PCYT1B: variants seen among roughly 807,000 people sequenced by gnomAD.
The protein encoded by PCYT1B is choline-phosphate cytidylyltransferase B.
PCYT1B carries 10 observed loss-of-function variants against 26.4 expected under a neutral mutation model. The observed-to-expected ratio is 0.38, with a 90% CI of 0.23 to 0.64. PCYT1B has a LOEUF of 0.64. Among genes scored for constraint, PCYT1B ranks in the 30% least tolerant of loss-of-function variants. The pLI is 0.56. For synonymous variants in PCYT1B, 131 were observed against 108.4 expected (o/e 1.21, Z -1.29); for missense variants, 161 against 292.7 (o/e 0.55, Z 3.28).
intron 1 of PCYT1B, among the ~76,000 whole-genome samples, chrX:24,627,769 C>T (rs1406438361): frequency 1.8e-5 from 2 of 111,486 alleles, no homozygotes; most frequent in African/African-American, 3.3e-5. Context: ...TCAGGGTGAT[C>T]GCAGCGGAGG....
intron 1 of PCYT1B, among the ~76,000 whole-genome samples, chrX:24,660,377 T>C (rs1487827967): frequency 8.9e-6 from 1 of 112,295 alleles, no homozygotes; most frequent in Non-Finnish European, 1.9e-5. Context: ...TGAGAGGCCA[T>C]GTCAAATGAC....
At chrX:24,590,638 G>A (rs1173976336) in intron 3 of PCYT1B, among the ~76,000 whole-genome samples, 3 of 110,824 alleles carry the variant, frequency 2.7e-5, no homozygotes, top group Non-Finnish European at 5.7e-5. Context: ...TGTAACCCAA[G>A]TGTGAGACAG....
At chrX:24,634,467 G>T (rs1293479710) in intron 1 of PCYT1B, among the ~76,000 whole-genome samples, 3 of 112,046 alleles carry the variant, frequency 2.7e-5, no homozygotes, top group Non-Finnish European at 5.6e-5. Flanking sequence ...TTTCCTGCAG[G>T]CCGTGCGCGG....
At chrX:24,624,355 C>T (rs1925822220) in intron 1 of PCYT1B, among the ~76,000 whole-genome samples, 1 of 112,131 alleles carries the variant, frequency 8.9e-6, no homozygotes, top group South Asian at 3.7e-4. Context: ...ATATCCCTTT[C>T]CTATTTTTAC....
At chrX:24,606,464 A>G (rs1206319939) in intron 3 of PCYT1B, among the ~76,000 whole-genome samples, 1 of 112,259 alleles carries the variant, frequency 8.9e-6, no homozygotes, top group East Asian at 2.8e-4. Flanking sequence ...TTGCCCAGTA[A>G]CCATTGCCTT....
intron 6 of PCYT1B, 46 bp downstream of exon 6, chrX:24,579,270 T>C: frequency 8.6e-7 from 1 of 1,160,988 alleles, no homozygotes; most frequent in Non-Finnish European, 1.2e-6. Context: ...CTGGTGGTGG[T>C]GGTGTGGCAT....
chrX:24,662,272 T>C (rs1927043985), intron 1 of PCYT1B, among the ~76,000 whole-genome samples: 2 of 112,511 alleles, frequency 1.8e-5, no homozygotes, highest in Non-Finnish European at 3.8e-5. Flanking sequence ...TGTTTGGATG[T>C]GGGGAGTGGA....
chrX:24,604,641 G>A (rs1385080356), intron 3 of PCYT1B, among the ~76,000 whole-genome samples: 1 of 110,695 alleles, frequency 9.0e-6, no homozygotes, highest in African/African-American at 3.3e-5. Context: ...CTATACCCTT[G>A]AACTCCTGGG....
intron 1 of PCYT1B, among the ~76,000 whole-genome samples, chrX:24,640,499 A>G (rs908214603): frequency 1.8e-5 from 2 of 111,844 alleles, no homozygotes; most frequent in African/African-American, 6.5e-5. Context: ...GATTTCATGT[A>G]GAGACAGATG....
At chrX:24,572,403 G>C (rs373821943) in intron 7 of PCYT1B, among the ~76,000 whole-genome samples, 13 of 111,303 alleles carry the variant, frequency 1.2e-4, no homozygotes, top group East Asian at 5.6e-4. Flanking sequence ...ATTTAACCCA[G>C]AAACATTTGT....
chrX:24,628,194 A>G (rs992709869), intron 1 of PCYT1B, among the ~76,000 whole-genome samples: 3 of 111,647 alleles, frequency 2.7e-5, no homozygotes, highest in Non-Finnish European at 5.6e-5. Context: ...ATGCAGGTAG[A>G]AGAGAGGTCC....
At chrX:24,656,232 G>GGGGC (rs1555966029) in intron 1 of PCYT1B, among the ~76,000 whole-genome samples, 2 of 100,570 alleles carry the variant, frequency 2.0e-5, no homozygotes, top group Admixed American at 1.1e-4. Context: ...GGGGTCGCGG[G>GGGGC]GGGGGGTGGT....
intron 1 of PCYT1B, chrX:24,621,861 G>C (rs779387754): frequency 3.4e-5 from 25 of 730,062 alleles, no homozygotes; most frequent in African/African-American, 4.7e-5. Context: ...TCCAAGAATG[G>C]TGTGTTCTTG....
At chrX:24,646,744 C>T (rs1387921235) in intron 1 of PCYT1B, among the ~76,000 whole-genome samples, 1 of 111,206 alleles carries the variant, frequency 9.0e-6, no homozygotes, top group Non-Finnish European at 1.9e-5. Context: ...CCTCCCGAAG[C>T]ACAAAAACAC....
intron 5 of PCYT1B, among the ~76,000 whole-genome samples, chrX:24,585,290 G>C (rs1924334521): frequency 8.9e-6 from 1 of 111,927 alleles, no homozygotes; most frequent in African/African-American, 3.2e-5. Context: ...ATTTTGGAAA[G>C]AAATAGTTTT....
chrX:24,631,117 T>C (rs985506614), intron 1 of PCYT1B, among the ~76,000 whole-genome samples: 29 of 110,995 alleles, frequency 2.6e-4, no homozygotes, highest in Non-Finnish European at 3.6e-4. Context: ...AGAGACGGGG[T>C]TTCACCATGT....
At chrX:24,662,220 A>G (rs906675564) in intron 1 of PCYT1B, among the ~76,000 whole-genome samples, 6 of 112,565 alleles carry the variant, frequency 5.3e-5, no homozygotes, top group Non-Finnish European at 7.5e-5. Flanking sequence ...TTTCAAAACT[A>G]TTTTAGAAAT....
At chrX:24,573,153 CACACACACACAT>C (rs1301924470) in intron 7 of PCYT1B, among the ~76,000 whole-genome samples, 82 of 75,058 alleles carry the variant, frequency 1.1e-3, no homozygotes, top group African/African-American at 2.4e-3. Context: ...CACACACACA[CACACACACACAT>C]ATATATATAT....
intron 7 of PCYT1B, among the ~76,000 whole-genome samples, chrX:24,568,637 T>G (rs1207817558): frequency 9.0e-6 from 1 of 111,580 alleles, no homozygotes. Context: ...CTTTCCCCAT[T>G]TACTGATGCT....
Sources: allele counts gnomAD v4.1 joint callset (sites outside exome capture counted in the v4.1 genomes callset), GRCh38; gene constraint gnomAD v4.1.1; transcripts MANE v1.5; gene names NCBI Gene and HGNC (gene_info 2026-07-23, HGNC 2026-07-21).